BCL2L13: variants seen among roughly 807,000 people sequenced by gnomAD.
BCL2L13 encodes BCL2 like 13.
BCL2L13 carries 13 observed loss-of-function variants against 25.8 expected under a neutral mutation model. The observed-to-expected ratio is 0.50, with a 90% CI of 0.33 to 0.80. The LOEUF (loss-of-function observed/expected upper bound fraction) is 0.80, where lower values mean the gene tolerates loss of function less well. Among genes scored for constraint, BCL2L13 ranks in the 30% least tolerant of loss-of-function variants. The pLI is 0.02. For missense variants in BCL2L13, 504 were observed against 574.9 expected, an observed-to-expected ratio of 0.88 and a Z score of 1.26; for synonymous variants, 244 against 230.3, an observed-to-expected ratio of 1.06 and a Z score of -0.54.
chr22:17,642,626 T>G (rs2058333798), intron 1 of BCL2L13, among the ~76,000 whole-genome samples: 1 of 151,304 alleles, frequency 6.6e-6, no homozygotes, highest in East Asian at 1.9e-4. Context: ...GGCATTTCAC[T>G]CTTGTTGCCC....
intron 2 of BCL2L13, among the ~76,000 whole-genome samples, chr22:17,679,282 T>C (rs2146683093): frequency 6.8e-6 from 1 of 147,374 alleles, no homozygotes; most frequent in East Asian, 2.0e-4. Context: ...TTTTTTTTTT[T>C]TTTTTTGAGA....
intron 1 of BCL2L13, among the ~76,000 whole-genome samples, chr22:17,629,637 T>C (rs2057962682): frequency 6.6e-6 from 1 of 152,078 alleles, no homozygotes; most frequent in African/African-American, 2.4e-5. Context: ...GAATAAGAGG[T>C]CAAATGGTAC....
At position 17,660,981 on chromosome 22, in the gene BCL2L13, G is replaced by A. The variant is rs1447142286; in HGVS notation, c.121+5149G>A. ...TTTAGTAGAGACGGGGCTTCACCAT[G>A]TTGCCCAGGCTGGTCTTGAACTCCT... On this transcript the variant is annotated intron_variant, in intron 2 of 6. Coordinates refer to ENST00000317582, the MANE Select transcript of BCL2L13 (RefSeq NM_015367.4). Among the ~76,000 whole-genome samples the A allele has an allele frequency of 4.9e-5, 7 of 142,350 alleles. No individual in the cohort carries two copies. The Admixed American group carries it at 5.0e-4, about 10-fold the overall frequency. The allele number at this position is 142,350 out of a possible 152,430, so 93.4% of individuals were successfully genotyped here. A position where few individuals can be genotyped will look rare whatever the true frequency, so the allele number is the denominator to read the frequency against.
intron 1 of BCL2L13, among the ~76,000 whole-genome samples, chr22:17,630,647 G>C (rs1054509324): frequency 7.1e-6 from 1 of 139,952 alleles, no homozygotes; most frequent in Non-Finnish European, 1.5e-5. Context: ...CTAGAGTGCA[G>C]TGGCAGAATC....
At position 17,730,364 on chromosome 22, in the gene BCL2L13, T is replaced by C. The variant is rs1569031671; in HGVS notation, c.*2830T>C. The stretch of plus-strand genomic sequence containing the variant: ...TTCTTGATACCCCTTCTCACCTGCA[T>C]TTCTGTCCCAGGGATACCAGATGCA... On this transcript the variant is annotated 3_prime_UTR_variant, in exon 7 of 7. Coordinates refer to ENST00000317582, the MANE Select transcript of BCL2L13 (RefSeq NM_015367.4). 1 of 152,158 alleles carries C rather than the reference T, an allele frequency of 6.6e-6. No homozygotes were observed. The highest frequency in any genetic ancestry group is 1.5e-5 in the Non-Finnish European group (1 of 68,036). 9.4% of individuals were successfully genotyped at this position (152,158 alleles called of 1,614,324 possible). A position where few individuals can be genotyped will look rare whatever the true frequency, so the allele number is the denominator to read the frequency against.
chr22:17,680,000 G>T (rs2059688290), intron 2 of BCL2L13, among the ~76,000 whole-genome samples: 1 of 147,630 alleles, frequency 6.8e-6, no homozygotes, highest in Non-Finnish European at 1.5e-5. Flanking sequence ...ATTACCTGAG[G>T]TCAGGAGTTC....
chr22:17,691,945 G>A (rs550368766), intron 4 of BCL2L13, among the ~76,000 whole-genome samples: 165 of 152,248 alleles, frequency 1.1e-3, no homozygotes, highest in African/African-American at 3.7e-3. Context: ...AATTGGTTAT[G>A]TATCAAAGTC....
chr22:17,707,619 T>C (rs1465912696), intron 6 of BCL2L13, among the ~76,000 whole-genome samples: 1 of 152,224 alleles, frequency 6.6e-6, no homozygotes, highest in Non-Finnish European at 1.5e-5. Context: ...AAGTTGTAAC[T>C]AACGTATTAT....
intron 6 of BCL2L13, among the ~76,000 whole-genome samples, chr22:17,711,912 AAGTG>A (rs1367910331): frequency 1.3e-5 from 2 of 152,140 alleles, no homozygotes; most frequent in Non-Finnish European, 2.9e-5. Context: ...TATGAATAGA[AAGTG>A]AGAGCAGAGG....
At chr22:17,686,944 C>T (rs1242787357) in intron 3 of BCL2L13, among the ~76,000 whole-genome samples, 2 of 152,072 alleles carry the variant, frequency 1.3e-5, no homozygotes, top group Non-Finnish European at 2.9e-5. Context: ...GTTTAAAATA[C>T]GTTCACTTAT....
chr22:17,699,498 G>T (rs568043466), intron 5 of BCL2L13, among the ~76,000 whole-genome samples: 6 of 152,160 alleles, frequency 3.9e-5, no homozygotes, highest in African/African-American at 1.4e-4. Flanking sequence ...TAAGTGTGTG[G>T]ATAAAGGTAA....
intron 3 of BCL2L13, chr22:17,684,714 C>T (rs767675796): frequency 4.3e-5 from 16 of 372,516 alleles, no homozygotes; most frequent in South Asian, 2.8e-4. Flanking sequence ...CAGGTATGTG[C>T]CACCAAACCT....
At chr22:17,668,295 G>T (rs761000402) in intron 2 of BCL2L13, among the ~76,000 whole-genome samples, 3 of 151,972 alleles carry the variant, frequency 2.0e-5, no homozygotes, top group Non-Finnish European at 2.9e-5. Flanking sequence ...TTACAGGCGT[G>T]AGCCACCGTG....
At chr22:17,660,892 C>A (rs1007605387) in intron 2 of BCL2L13, among the ~76,000 whole-genome samples, 7 of 145,946 alleles carry the variant, frequency 4.8e-5, no homozygotes, top group African/African-American at 1.7e-4. Context: ...TCAAGCAATT[C>A]TCCTGCCTCA....
chr22:17,641,848 G>A (rs1054644548), intron 1 of BCL2L13, among the ~76,000 whole-genome samples: 7 of 147,624 alleles, frequency 4.7e-5, no homozygotes, highest in African/African-American at 1.7e-4. Context: ...CGCCCAGGCT[G>A]GAGTGCAGTG....
chr22:17,706,819 C>T (rs1379309804), intron 6 of BCL2L13: 1 of 1,352,046 alleles, frequency 7.4e-7, no homozygotes, highest in African/African-American at 1.5e-5. Flanking sequence ...AGAGCAAGTC[C>T]ACTGTGGTAA....
In BCL2L13 at chr22:17,652,784, G is replaced by T. The variant is rs568535395; in HGVS notation, c.-50-2878G>T. Among the ~76,000 whole-genome samples, 7 of 152,230 alleles carry T rather than the reference G, an allele frequency of 4.6e-5. No individual in the cohort carries two copies. The South Asian group carries it at 1.2e-3, about 27-fold the overall frequency. On this transcript the variant is annotated intron_variant, in intron 1 of 6. Coordinates refer to ENST00000317582, the MANE Select transcript of BCL2L13 (RefSeq NM_015367.4). ...ATTGAAAGTGAAAAAACAGAGTGAG[G>T]CCAGGCGCGGTGGCTCAAGCCTGTA...
At chr22:17,638,472 A>G (rs2146363678), upstream of BCL2L13, 1 of 397,912 alleles carries the variant, frequency 2.5e-6, no homozygotes, top group Non-Finnish European at 4.4e-6. Context: ...TGCATGCAGC[A>G]AGGCTTCTTT....
At chr22:17,707,191 C>T (rs1429059695) in intron 6 of BCL2L13, among the ~76,000 whole-genome samples, 1 of 152,010 alleles carries the variant, frequency 6.6e-6, no homozygotes, top group Non-Finnish European at 1.5e-5. Context: ...GAAAATCTGC[C>T]TGCTGTATAT....
Sources: allele counts gnomAD v4.1 joint callset (sites outside exome capture counted in the v4.1 genomes callset), GRCh38; gene constraint gnomAD v4.1.1; transcripts MANE v1.5; gene names NCBI Gene and HGNC (gene_info 2026-07-23, HGNC 2026-07-21).